Variants in NEK11 observed in about 807,000 individuals in gnomAD.
The protein encoded by NEK11 is serine/threonine-protein kinase Nek11.
Under a neutral mutation model 80.7 loss-of-function variants are expected in NEK11, and 72 were observed. The ratio of observed to expected loss-of-function variants is 0.89; its 90% CI spans 0.74 to 1.08. The LOEUF is 1.08. Ranked by LOEUF, NEK11 falls within the 50% of genes least tolerant of loss-of-function variation. The pLI is 0.00. For synonymous variants in NEK11, 251 were observed against 260.7 expected, an observed-to-expected ratio of 0.96 and a Z score of 0.36; for missense variants, 764 against 763.6, an observed-to-expected ratio of 1.00 and a Z score of -0.01.
intron 3 of NEK11, among the ~76,000 whole-genome samples, chr3:131,061,808 C>A (rs560292111): frequency 6.6e-6 from 1 of 152,272 alleles, no homozygotes; most frequent in East Asian, 1.9e-4. Flanking sequence ...CTAAGGACAA[C>A]CTCCCTGCCA....
chr3:131,208,760 CTGTT>C (rs1473788881), intron 14 of NEK11, among the ~76,000 whole-genome samples: 2 of 152,094 alleles, frequency 1.3e-5, no homozygotes, highest in African/African-American at 2.4e-5. Flanking sequence ...ATTTGGCTCT[CTGTT>C]TGTCTGTTAT....
chr3:131,130,665 T>C (rs2084264748), intron 5 of NEK11, among the ~76,000 whole-genome samples: 1 of 152,134 alleles, frequency 6.6e-6, no homozygotes, highest in African/African-American at 2.4e-5. Context: ...CTATTGATTT[T>C]TTCATGTGAT....
At chr3:131,178,130 G>A (rs1002112094) in intron 14 of NEK11, among the ~76,000 whole-genome samples, 3 of 152,160 alleles carry the variant, frequency 2.0e-5, no homozygotes. Flanking sequence ...ACCTGTATAG[G>A]GCACTTATGA....
intron 16 of NEK11, among the ~76,000 whole-genome samples, chr3:131,244,659 C>T (rs1236912852): frequency 6.6e-6 from 1 of 152,080 alleles, no homozygotes; most frequent in Non-Finnish European, 1.5e-5. Flanking sequence ...TGGTGGCTCA[C>T]ACCTGTAATC....
chr3:131,097,403 C>T (rs1246604028), intron 4 of NEK11, among the ~76,000 whole-genome samples: 1 of 151,798 alleles, frequency 6.6e-6, no homozygotes, highest in Non-Finnish European at 1.5e-5. Flanking sequence ...CCTGTTGTTT[C>T]CTGACTTTTT....
chr3:131,179,525 G>C (rs1384374587), intron 14 of NEK11, among the ~76,000 whole-genome samples: 1 of 152,190 alleles, frequency 6.6e-6, no homozygotes, highest in African/African-American at 2.4e-5. Context: ...AAAAGCAGTA[G>C]CTCTAAATAT....
At chr3:131,215,244 A>G (rs1304748487) in intron 14 of NEK11, among the ~76,000 whole-genome samples, 1 of 135,530 alleles carries the variant, frequency 7.4e-6, no homozygotes, top group South Asian at 2.6e-4. Flanking sequence ...GGTCACAGGA[A>G]GGGGAACATC....
chr3:131,087,300 A>G (rs948123496), intron 4 of NEK11, among the ~76,000 whole-genome samples: 7 of 143,636 alleles, frequency 4.9e-5, no homozygotes, highest in Non-Finnish European at 1.0e-4. Flanking sequence ...AGTGCAATGA[A>G]TGGCACAATC....
intron 14 of NEK11, among the ~76,000 whole-genome samples, chr3:131,172,981 G>A (rs2092783399): frequency 6.6e-6 from 1 of 152,194 alleles, no homozygotes. Flanking sequence ...CACCGTGACA[G>A]TTTACACATG....
At chr3:131,086,701 C>T (rs2076023686) in intron 4 of NEK11, among the ~76,000 whole-genome samples, 1 of 152,180 alleles carries the variant, frequency 6.6e-6, no homozygotes, top group African/African-American at 2.4e-5. Context: ...CAGGGCAGAA[C>T]TAGGACCAGG....
At chr3:131,105,437 A>G (rs1282073277) in intron 4 of NEK11, among the ~76,000 whole-genome samples, 1 of 152,226 alleles carries the variant, frequency 6.6e-6, no homozygotes, top group African/African-American at 2.4e-5. Context: ...TTTCCCTTCT[A>G]CAGACTTTTT....
intron 3 of NEK11, among the ~76,000 whole-genome samples, chr3:131,046,366 G>A (rs866545164): frequency 3.4e-4 from 52 of 152,050 alleles, no homozygotes; most frequent in African/African-American, 1.2e-3. Context: ...CACTTATGAA[G>A]CTTAGTTTCA....
chr3:131,165,967 A>C (rs1185543598), intron 12 of NEK11, among the ~76,000 whole-genome samples: 1 of 152,112 alleles, frequency 6.6e-6, no homozygotes, highest in Non-Finnish European at 1.5e-5. Flanking sequence ...ATTTCATTCA[A>C]ATTTTAACTG....
chr3:131,254,621 A>G (rs1402448207), intron 16 of NEK11, among the ~76,000 whole-genome samples: 1 of 152,164 alleles, frequency 6.6e-6, no homozygotes, highest in Non-Finnish European at 1.5e-5. Flanking sequence ...GTGAAATTCT[A>G]ATTACTTCTG....
At chr3:131,051,067 T>G (rs1007304467) in intron 3 of NEK11, among the ~76,000 whole-genome samples, 3 of 152,172 alleles carry the variant, frequency 2.0e-5, no homozygotes, top group Admixed American at 2.0e-4. Flanking sequence ...GAAGCCTACT[T>G]CTTTAAAATT....
At chr3:131,173,971 T>A (rs576196714) in intron 14 of NEK11, among the ~76,000 whole-genome samples, 2 of 152,322 alleles carry the variant, frequency 1.3e-5, no homozygotes, top group East Asian at 3.9e-4. Flanking sequence ...ATAATAGTTT[T>A]AGGTGGATCA....
chr3:131,037,409 G>T (rs1393750758), intron 3 of NEK11, among the ~76,000 whole-genome samples: 1 of 151,446 alleles, frequency 6.6e-6, no homozygotes, highest in Non-Finnish European at 1.5e-5. Flanking sequence ...TCAGCCTCCT[G>T]CATAGCTGGG....
chr3:131,198,090 A>G (rs1019014985), intron 14 of NEK11, among the ~76,000 whole-genome samples: 6 of 152,118 alleles, frequency 3.9e-5, no homozygotes, highest in African/African-American at 1.4e-4. Flanking sequence ...GTCTGTATAT[A>G]TATTTACCCT....
chr3:131,224,637 C>A (rs1293856037), intron 14 of NEK11, among the ~76,000 whole-genome samples: 1 of 152,100 alleles, frequency 6.6e-6, no homozygotes, highest in Non-Finnish European at 1.5e-5. Context: ...CAGAAGAAGG[C>A]ACTGTTATCA....
Sources: allele counts gnomAD v4.1 joint callset (sites outside exome capture counted in the v4.1 genomes callset), GRCh38; gene constraint gnomAD v4.1.1; transcripts MANE v1.5; gene names NCBI Gene and HGNC (gene_info 2026-07-23, HGNC 2026-07-21).